The following PTDSS2 variants were observed in gnomAD, a reference collection of about 807,000 sequenced individuals.
The protein encoded by PTDSS2 is phosphatidylserine synthase 2.
In PTDSS2, 41 loss-of-function variants were observed where a neutral mutation model predicts 64.7. The ratio of observed to expected loss-of-function variants is 0.63; its 90% confidence interval spans 0.49 to 0.82. The LOEUF is 0.82. Among genes scored for constraint, PTDSS2 ranks in the 40% least tolerant of loss-of-function variants. The pLI is 0.00. For synonymous variants in PTDSS2, 297 were observed against 277.8 expected, an observed-to-expected ratio of 1.07 and a Z score of -0.69; for missense variants, 485 against 650.0, an observed-to-expected ratio of 0.75 and a Z score of 2.76.
chr11:450,308 G>GCCCCGCGCTGCTCTCCTAAGA lies in PTDSS2; in HGVS notation c.-140_-120dup, dbSNP rs1846253648. The GCCCCGCGCTGCTCTCCTAAGA allele has an allele frequency of 1.6e-5, 9 of 578,274 alleles. No individual in the cohort carries two copies. The highest frequency in any genetic ancestry group is 1.4e-4 in the Admixed American group (3 of 22,092). The allele number at this position is 578,274 out of a possible 1,614,324, so 35.8% of individuals were successfully genotyped here. On this transcript the variant is annotated 5_prime_UTR_variant, in exon 1 of 12. Transcript: ENST00000308020. ...TGCACCGCACACCCTTTACTGGCCG[G>GCCCCGCGCTGCTCTCCTAAGA]CCCCGCGCTGCTCTCCTAAGACCCC...
rs112622153 is a variant in PTDSS2, at chr11:478,287, C to CAA, written c.368-785_368-784dup. 1.4e-3 allele frequency among the ~76,000 whole-genome samples: 178 copies of CAA among 128,082 alleles called. 1 individual carries two copies. Among genetic ancestry groups the CAA allele is most frequent in the African/African-American group, 4.0e-3 (140 of 34,620 alleles). The allele number at this position is 128,082 out of a possible 152,430, so 84.0% of individuals were successfully genotyped here. A position where few individuals can be genotyped will look rare whatever the true frequency, so the allele number is the denominator to read the frequency against. ...GCAACATGTCGAAACCCTATCTCTA[C>CAA]AAAAAAAAAAAAAATACAAAAATTA... is the stretch of plus-strand genomic sequence containing the variant. On this transcript the variant is annotated intron_variant, in intron 3 of 11. Transcript: ENST00000308020.
At chr11:474,746 G>A (rs926622214) in intron 3 of PTDSS2, among the ~76,000 whole-genome samples, 4 of 151,732 alleles carry the variant, frequency 2.6e-5, no homozygotes, top group Admixed American at 2.6e-4. Flanking sequence ...ACAGGAGTAT[G>A]TATTATAGAA....
intron 2 of PTDSS2, among the ~76,000 whole-genome samples, chr11:473,083 T>C (rs1252281825): frequency 1.3e-5 from 2 of 152,212 alleles, no homozygotes; most frequent in Non-Finnish European, 2.9e-5. Flanking sequence ...GCAGTGTGCC[T>C]GTGACCAGGG....
intron 3 of PTDSS2, among the ~76,000 whole-genome samples, chr11:478,232 T>C (rs2133814079): frequency 6.6e-6 from 1 of 152,220 alleles, no homozygotes; most frequent in South Asian, 2.1e-4. Flanking sequence ...GAAAGATTTT[T>C]TTAACATGAT....
Position 470,195 on chromosome 11 carries a change from C to T in PTDSS2, c.285-3700C>T, listed in dbSNP as rs185298074. Among the ~76,000 whole-genome samples the T allele has an allele frequency of 3.9e-5, 6 of 152,314 alleles. No individual in the cohort carries two copies. Among genetic ancestry groups the T allele is most frequent in the Admixed American group, 3.9e-4 (6 of 15,302 alleles). On this transcript the variant is annotated intron_variant, in intron 2 of 11. Transcript: ENST00000308020. This position sits in a 1 kb window ranked among gnomAD's most constrained non-coding sequence, Gnocchi z 5.3. ...GGAGGAGGACGCTGCAGCCGAGGTG[C>T]CCGCAGACACCCCCAAGCCCAGTGG...
chr11:489,885 A>G lies in PTDSS2; in HGVS notation c.1118A>G (p.Lys373Arg). 6.3e-7 allele frequency: 1 copy of G among 1,584,872 alleles called. No individual in the cohort carries two copies. The highest frequency in any genetic ancestry group is 8.6e-7 in the Non-Finnish European group (1 of 1,167,936). The change falls in exon 11 of 12, where the codon AAG becomes AGG. Residue 373 changes from lysine (K) to arginine (R), a missense_variant and splice_region_variant. This residue lies in a region of PTDSS2 where 219 missense variants were observed against 257.3 expected (regional missense o/e 0.85). Transcript: ENST00000308020. The stretch of plus-strand genomic sequence containing the variant: ...TGAACCCCCTGCTGCCCCTGCAGGA[A>G]GCCCCACAAGAAGCTGGGCCCGCAG... ...REIYDFMDDP[K>R]PHKKLGPQAW...
In PTDSS2 at chr11:465,495, A is replaced by T. The variant is rs72851115; in HGVS notation, c.284+5207A>T. On this transcript the variant is annotated intron_variant, in intron 2 of 11. Coordinates refer to ENST00000308020, the MANE Select transcript of PTDSS2 (RefSeq NM_030783.3). The stretch of plus-strand genomic sequence containing the variant: ...GGCATAATTATAAAACATCTGAGCT[A>T]TCATGCTCAGCCACAATTATAAAAC... 3.5e-3 allele frequency among the ~76,000 whole-genome samples: 535 copies of T among 152,362 alleles called. 1 individual carries two copies. Among genetic ancestry groups the T allele is most frequent in the Admixed American group, 0.01 (154 of 15,300 alleles).
chr11:468,934 C>G (rs921826211), intron 2 of PTDSS2, among the ~76,000 whole-genome samples: 1 of 114,742 alleles, frequency 8.7e-6, no homozygotes, highest in African/African-American at 3.6e-5. Flanking sequence ...TCTGGGTAAT[C>G]GGAGAAAGAG....
chr11:486,779 C>T (rs1266038803), intron 4 of PTDSS2, 160 bp from the exon 5 acceptor site: 3 of 509,822 alleles, frequency 5.9e-6, no homozygotes, highest in Non-Finnish European at 7.6e-6. Context: ...ACCCAGGAGG[C>T]GGAGCTTGCA....
intron 1 of PTDSS2, among the ~76,000 whole-genome samples, chr11:453,368 C>T (rs915500396): frequency 6.6e-6 from 1 of 152,194 alleles, no homozygotes; most frequent in African/African-American, 2.4e-5. Flanking sequence ...AACGTTGCCG[C>T]CTGTCTGTGG....
At chr11:473,266 A>C (rs1436429473) in intron 2 of PTDSS2, among the ~76,000 whole-genome samples, 1 of 152,184 alleles carries the variant, frequency 6.6e-6, no homozygotes, top group Non-Finnish European at 1.5e-5. Flanking sequence ...TACAGCTCTC[A>C]CGCTTCCATC....
chr11:470,382 A>G lies in PTDSS2; in HGVS notation c.285-3513A>G, dbSNP rs371153708. Among the ~76,000 whole-genome samples, 1 of 152,070 alleles carries G rather than the reference A, an allele frequency of 6.6e-6. No individual in the cohort carries two copies. The highest frequency in any genetic ancestry group is 2.4e-5 in the African/African-American group (1 of 41,414). Reference sequence around the variant, plus strand: ...TTCCTGACCAGGCCTCCTCCAAACCATCCAGGTCATCAGAGACAAGGAGAG... The same window carrying G: ...TTCCTGACCAGGCCTCCTCCAAACCGTCCAGGTCATCAGAGACAAGGAGAG... On this transcript the variant is annotated intron_variant, in intron 2 of 11. Coordinates refer to ENST00000308020, the MANE Select transcript of PTDSS2 (RefSeq NM_030783.3). This position sits in a 1 kb window ranked among gnomAD's most constrained non-coding sequence, Gnocchi z 5.3.
chr11:487,567 C>CT (rs1358369550), intron 6 of PTDSS2, 97 bp downstream of exon 6: 19 of 1,203,230 alleles, frequency 1.6e-5, no homozygotes, highest in South Asian at 2.4e-5. Context: ...TCAGGGTGCT[C>CT]TGAGTGTGGT....
At chr11:488,710 C>T (rs1465619223) in intron 8 of PTDSS2, 63 bp downstream of exon 8, 1 of 1,249,946 alleles carries the variant, frequency 8.0e-7, no homozygotes, top group Non-Finnish European at 1.2e-6. Flanking sequence ...GCCTCAGCGT[C>T]CGTGCTCCAG....
chr11:460,166 T>C lies in PTDSS2; in HGVS notation c.183-21T>C. 6.2e-7 allele frequency: 1 copy of C among 1,600,944 alleles called. No individual in the cohort carries two copies. The highest frequency in any genetic ancestry group is 8.6e-7 in the Non-Finnish European group (1 of 1,168,050). The stretch of plus-strand genomic sequence containing the variant: ...TGCTGCCCAAGCTCTGACACCATGC[T>C]TATGCGTTTTTGGATTTCAGGCGAG... On this transcript the variant is annotated intron_variant, in intron 1 of 11. Coordinates refer to ENST00000308020, the MANE Select transcript of PTDSS2 (RefSeq NM_030783.3). The surrounding 1 kb of genome is among the most constrained non-coding windows in gnomAD (Gnocchi z 5.8).
rs1027612205 is a variant in PTDSS2 at position 479,289 on chromosome 11, G to A, written c.435+137G>A. ...GGGCTAGACCCCCACAAAGTAGGCCGAGCTGCGGGGGGTCTCCAGGAGCAT... is the reference window on the plus strand; with the variant it reads ...GGGCTAGACCCCCACAAAGTAGGCCAAGCTGCGGGGGGTCTCCAGGAGCAT... On this transcript the variant is annotated intron_variant, in intron 4 of 11. Coordinates refer to ENST00000308020, the MANE Select transcript of PTDSS2 (RefSeq NM_030783.3). This position sits in a 1 kb window ranked among gnomAD's most constrained non-coding sequence, Gnocchi z 4.2. 2.8e-5 allele frequency: 22 copies of A among 789,554 alleles called. No homozygotes were observed. The highest frequency in any genetic ancestry group is 5.4e-5 in the Admixed American group (3 of 55,980). The allele number at this position is 789,554 out of a possible 1,614,324, so 48.9% of individuals were successfully genotyped here.
chr11:486,081 C>T (rs542496528), intron 4 of PTDSS2, among the ~76,000 whole-genome samples: 1 of 152,302 alleles, frequency 6.6e-6, no homozygotes, highest in South Asian at 2.1e-4. Context: ...TGTGCGCAGG[C>T]GAGTGTAAAC....
rs946085838 is a variant in PTDSS2, at chr11:461,527, G to A, written c.284+1239G>A. On this transcript the variant is annotated intron_variant, in intron 2 of 11. Coordinates refer to ENST00000308020, the MANE Select transcript of PTDSS2 (RefSeq NM_030783.3). This position sits in a 1 kb window ranked among gnomAD's most constrained non-coding sequence, Gnocchi z 4.2. ...CACCCTCCATCCTCACCTGGGAGGC[G>A]CAGGTGGCCTCTCCTGTCCTGGTCT... Among the ~76,000 whole-genome samples the A allele has an allele frequency of 2.6e-5, 4 of 152,104 alleles. No homozygotes were observed. The highest frequency in any genetic ancestry group is 1.3e-4 in the Admixed American group (2 of 15,270).
chr11:454,294 G>A (rs1846483776), intron 1 of PTDSS2, among the ~76,000 whole-genome samples: 1 of 152,190 alleles, frequency 6.6e-6, no homozygotes, highest in Non-Finnish European at 1.5e-5. Flanking sequence ...CCAGGGCCAG[G>A]AGGGTGCTGG....
Sources: allele counts gnomAD v4.1 joint callset (sites outside exome capture counted in the v4.1 genomes callset), GRCh38; gene constraint gnomAD v4.1.1; regional missense constraint gnomAD v4.1.1; non-coding constraint Gnocchi (gnomAD v3.1); transcripts MANE v1.5; gene names NCBI Gene and HGNC (gene_info 2026-07-23, HGNC 2026-07-21).